The following CERS3 variants were observed in gnomAD, a reference collection of about 807,000 sequenced individuals.
CERS3 encodes the protein LAG1 homolog, ceramide synthase 3.
A neutral mutation model predicts 50.3 loss-of-function variants in CERS3; 33 were observed. The observed-to-expected ratio is 0.66, with a 90% confidence interval of 0.50 to 0.88. The LOEUF (loss-of-function observed/expected upper bound fraction) is 0.88. Ranked by LOEUF, CERS3 falls within the 40% of genes least tolerant of loss-of-function variation. CERS3 has a pLI of 0.00. For synonymous variants in CERS3, 176 were observed against 155.2 expected, an observed-to-expected ratio of 1.13 and a Z score of -0.99; for missense variants, 470 against 460.3, an observed-to-expected ratio of 1.02 and a Z score of -0.19.
In CERS3 at chr15:100,509,470, A is replaced by T. The variant is rs564269340; in HGVS notation, c.-1-7620T>A. Among the ~76,000 whole-genome samples the T allele has an allele frequency of 3.9e-5, 6 of 152,346 alleles. No homozygotes were observed. In the South Asian group the frequency reaches 1.2e-3, roughly 32 times the overall value. On this transcript the variant is annotated intron_variant, in intron 2 of 11. Coordinates refer to ENST00000679737, the MANE Select transcript of CERS3 (RefSeq NM_001378789.1). ...CTCAGATAGAGGAGAGCAACAAGAA[A>T]CTATCTCTACAGAACAGAAGGTTTC...
chr15:100,404,085 T>C (rs1048547321), intron 11 of CERS3, among the ~76,000 whole-genome samples: 1 of 152,154 alleles, frequency 6.6e-6, no homozygotes, highest in Non-Finnish European at 1.5e-5. Flanking sequence ...ATGATGCAGT[T>C]ACAAGCCAAG....
At chr15:100,499,807 T>G (rs2035943227) in intron 3 of CERS3, among the ~76,000 whole-genome samples, 1 of 152,210 alleles carries the variant, frequency 6.6e-6, no homozygotes, top group Admixed American at 6.5e-5. Flanking sequence ...TCTTCTGCCA[T>G]CAGGAGTCTT....
intron 1 of CERS3, among the ~76,000 whole-genome samples, chr15:100,528,319 T>G (rs1397723023): frequency 6.6e-6 from 1 of 152,190 alleles, no homozygotes; most frequent in African/African-American, 2.4e-5. Flanking sequence ...CCCACCTTGT[T>G]CTCAGCTTAA....
intron 3 of CERS3, among the ~76,000 whole-genome samples, chr15:100,497,845 T>C (rs1397217150): frequency 1.6e-5 from 2 of 128,922 alleles, no homozygotes; most frequent in Admixed American, 1.7e-4. Flanking sequence ...ACTGGATACC[T>C]ATCTCTTACA....
intron 10 of CERS3, among the ~76,000 whole-genome samples, chr15:100,456,981 G>T (rs1035343495): frequency 4.6e-5 from 7 of 151,328 alleles, no homozygotes; most frequent in Non-Finnish European, 2.9e-5. Flanking sequence ...CCATATGAAG[G>T]GCTATTTGTT....
upstream of CERS3, among the ~76,000 whole-genome samples, chr15:100,531,416 C>A (rs1183615642): frequency 6.6e-6 from 1 of 151,868 alleles, no homozygotes; most frequent in Non-Finnish European, 1.5e-5. Context: ...TTTGTGGGAG[C>A]TGTGGGAGTG....
chr15:100,440,488 C>A (rs1272813439), intron 11 of CERS3, among the ~76,000 whole-genome samples: 2 of 152,240 alleles, frequency 1.3e-5, no homozygotes, highest in Non-Finnish European at 2.9e-5. Context: ...AACGGCCCCA[C>A]CCCTATCTCC....
At chr15:100,488,077 A>G (rs540781717) in intron 4 of CERS3, among the ~76,000 whole-genome samples, 1 of 152,226 alleles carries the variant, frequency 6.6e-6, no homozygotes, top group Non-Finnish European at 1.5e-5. Flanking sequence ...ATACGCACAC[A>G]TACACACGTT....
At chr15:100,494,062 C>T (rs557370063) in intron 3 of CERS3, among the ~76,000 whole-genome samples, 1 of 151,442 alleles carries the variant, frequency 6.6e-6, no homozygotes, top group South Asian at 2.1e-4. Flanking sequence ...TGTTTCTTTC[C>T]ATGTCTCATA....
chr15:100,496,977 A>C (rs1448967439), intron 3 of CERS3, among the ~76,000 whole-genome samples: 1 of 152,212 alleles, frequency 6.6e-6, no homozygotes, highest in East Asian at 1.9e-4. Context: ...TATAAAAATA[A>C]GTGAGTTATG....
chr15:100,476,227 A>G, intron 7 of CERS3, 49 bp from the exon 8 acceptor site: 1 of 1,291,872 alleles, frequency 7.7e-7, no homozygotes, highest in Non-Finnish European at 1.1e-6. Context: ...CATAGAAGCA[A>G]CTCATTTTAA....
At chr15:100,456,749 C>A (rs2034386551) in intron 10 of CERS3, among the ~76,000 whole-genome samples, 1 of 152,070 alleles carries the variant, frequency 6.6e-6, no homozygotes, top group Non-Finnish European at 1.5e-5. Flanking sequence ...GAGTTTGAGA[C>A]CAGCCTGGCC....
intron 5 of CERS3, among the ~76,000 whole-genome samples, chr15:100,482,851 T>C (rs75661572): frequency 0.057 from 8,727 of 152,288 alleles, 376 homozygotes; most frequent in Non-Finnish European, 0.082. Context: ...ATGCTGTGAT[T>C]TCTGTAGCAC....
At chr15:100,414,592 C>A (rs769211404) in intron 11 of CERS3, among the ~76,000 whole-genome samples, 12 of 151,938 alleles carry the variant, frequency 7.9e-5, no homozygotes, top group Non-Finnish European at 4.4e-5. Flanking sequence ...TATAGACCAA[C>A]AGAACAGAAC....
chr15:100,497,878 CACACACACACACACACA>C (rs1232997572), intron 3 of CERS3, among the ~76,000 whole-genome samples: 22 of 82,270 alleles, frequency 2.7e-4, no homozygotes, highest in East Asian at 9.5e-4. Flanking sequence ...CACACACACA[CACACACACACACACACA>C]CTTTTTTTTT....
At chr15:100,470,777 GA>G (rs1370321251) in intron 9 of CERS3, among the ~76,000 whole-genome samples, 1 of 152,158 alleles carries the variant, frequency 6.6e-6, no homozygotes, top group Admixed American at 6.5e-5. Context: ...AAACTTAGAG[GA>G]TCAGGAAGAT....
chr15:100,450,837 A>G (rs1317258631), intron 11 of CERS3, among the ~76,000 whole-genome samples: 6 of 152,174 alleles, frequency 3.9e-5, no homozygotes, highest in Non-Finnish European at 7.3e-5. Context: ...TAAGGGAACC[A>G]TCATCGGACT....
intron 11 of CERS3, among the ~76,000 whole-genome samples, chr15:100,452,063 A>T (rs182893072): frequency 3.3e-5 from 5 of 152,308 alleles, no homozygotes; most frequent in Admixed American, 1.3e-4. Flanking sequence ...CATTAGATGG[A>T]TCATCTGGAC....
chr15:100,454,974 G>C (rs1485960801), intron 11 of CERS3, among the ~76,000 whole-genome samples: 1 of 152,100 alleles, frequency 6.6e-6, no homozygotes, highest in Non-Finnish European at 1.5e-5. Context: ...CAACAGACAT[G>C]TGAAAAAATG....
Sources: gnomAD v4.1 joint callset for allele counts (sites outside exome capture counted in the v4.1 genomes callset) on GRCh38, gnomAD v4.1.1 for gene constraint, MANE v1.5 for transcripts, NCBI Gene and HGNC (gene_info 2026-07-23, HGNC 2026-07-21) for gene names.